The following NRXN3 variants were observed in gnomAD, a reference collection of about 807,000 sequenced individuals.
NRXN3 encodes the protein neurexin 3, also known as neurexin III.
In NRXN3, 32 loss-of-function variants were observed where a neutral mutation model predicts 137.6. The ratio of observed to expected loss-of-function variants is 0.23; its 90% confidence interval spans 0.18 to 0.31. The LOEUF is 0.31. NRXN3 is among the 10% of genes least tolerant of loss of function. The probability of loss-of-function intolerance (pLI) is 1.00; values close to 1 mark genes in which losing one functional copy is unlikely to be tolerated. For synonymous variants in NRXN3, 798 were observed against 784.5 expected, an observed-to-expected ratio of 1.02 and a Z score of -0.29; for missense variants, 1,574 against 2,062.5, an observed-to-expected ratio of 0.76 and a Z score of 4.59.
chr14:78,958,907 A>C (rs2099402575), intron 11 of NRXN3, among the ~76,000 whole-genome samples: 1 of 152,236 alleles, frequency 6.6e-6, no homozygotes, highest in East Asian at 1.9e-4. Flanking sequence ...TAAGACAGTC[A>C]GTAGCCCTGG....
At chr14:78,293,693 T>C (rs529969206) in intron 3 of NRXN3, among the ~76,000 whole-genome samples, 1 of 152,290 alleles carries the variant, frequency 6.6e-6, no homozygotes, top group East Asian at 1.9e-4. Context: ...AATAACATCT[T>C]CCTTGGGTTT....
chr14:78,593,243 T>C (rs1350943115), intron 4 of NRXN3, among the ~76,000 whole-genome samples: 1 of 152,118 alleles, frequency 6.6e-6, no homozygotes, highest in African/African-American at 2.4e-5. Flanking sequence ...CACCCCCTCT[T>C]CTCTATTTAA....
At chr14:78,606,395 TCCC>T (rs2097253299) in intron 4 of NRXN3, among the ~76,000 whole-genome samples, 1 of 152,138 alleles carries the variant, frequency 6.6e-6, no homozygotes, top group Admixed American at 6.6e-5. Context: ...TCTCTGTCTT[TCCC>T]CCTAACCAAC....
Position 79,427,582 on chromosome 14 carries a change from G to A in NRXN3, c.3263-39639G>A, listed in dbSNP as rs538709753. On this transcript the variant is annotated intron_variant, in intron 15 of 20. Coordinates refer to ENST00000335750, the MANE Select transcript of NRXN3 (RefSeq NM_001330195.2). ...AATCCCAGCACTTTGGGAGGCCAAG[G>A]TGGGTGACTCACTTCAGGTCGGGTC... Among the ~76,000 whole-genome samples the A allele has an allele frequency of 2.0e-5, 3 of 152,252 alleles. No individual in the cohort carries two copies. In the East Asian group the frequency reaches 5.8e-4, roughly 30 times the overall value.
chr14:79,774,107 T>G (rs1281240172), intron 19 of NRXN3, among the ~76,000 whole-genome samples: 1 of 152,130 alleles, frequency 6.6e-6, no homozygotes, highest in Non-Finnish European at 1.5e-5. Flanking sequence ...CGAATAACTG[T>G]ACGTGATTTA....
intron 8 of NRXN3, among the ~76,000 whole-genome samples, chr14:78,747,997 A>C (rs1409605361): frequency 6.6e-6 from 1 of 152,222 alleles, no homozygotes. Context: ...ACACTTGGGT[A>C]CTGGTGAAAT....
intron 15 of NRXN3, among the ~76,000 whole-genome samples, chr14:79,323,924 A>G (rs1479464472): frequency 6.6e-6 from 1 of 152,258 alleles, no homozygotes; most frequent in Non-Finnish European, 1.5e-5. Flanking sequence ...AAGTACTTGC[A>G]TATGGAGGTG....
intron 16 of NRXN3, among the ~76,000 whole-genome samples, chr14:79,481,472 C>T (rs1338751531): frequency 2.0e-5 from 3 of 152,198 alleles, no homozygotes. Context: ...ATGGTATAGC[C>T]TATTGCATCC....
intron 10 of NRXN3, among the ~76,000 whole-genome samples, chr14:78,914,054 T>A (rs2099248339): frequency 6.6e-6 from 1 of 152,160 alleles, no homozygotes; most frequent in Non-Finnish European, 1.5e-5. Context: ...AACTTGGACA[T>A]CTTTGGATTT....
In NRXN3 at chr14:78,243,905, A is replaced by G. The variant is rs2067316229; in HGVS notation, c.709+103A>G. The G allele has an allele frequency of 3.6e-6, 3 of 837,250 alleles. No individual in the cohort carries two copies. In the East Asian group the frequency reaches 7.6e-5, roughly 21 times the overall value. 51.9% of individuals were successfully genotyped at this position (837,250 alleles called of 1,614,324 possible). A position where few individuals can be genotyped will look rare whatever the true frequency, so the allele number is the denominator to read the frequency against. On this transcript the variant is annotated intron_variant, in intron 2 of 20. Coordinates refer to ENST00000335750, the MANE Select transcript of NRXN3 (RefSeq NM_001330195.2). The surrounding 1 kb of genome is among the most constrained non-coding windows in gnomAD (Gnocchi z 4.2). ...TATATGGATGCATATCTTTAGCTGCATGTTAGATCACTGGGCCCCTTGCCC... is the reference window on the plus strand; with the variant it reads ...TATATGGATGCATATCTTTAGCTGCGTGTTAGATCACTGGGCCCCTTGCCC...
chr14:78,805,932 A>T (rs927530834), intron 9 of NRXN3, among the ~76,000 whole-genome samples: 1 of 152,134 alleles, frequency 6.6e-6, no homozygotes, highest in Non-Finnish European at 1.5e-5. Context: ...TCTCACACAC[A>T]CACACATACA....
intron 4 of NRXN3, among the ~76,000 whole-genome samples, chr14:78,351,712 C>T (rs975762470): frequency 2.0e-5 from 3 of 149,736 alleles, no homozygotes; most frequent in Non-Finnish European, 3.0e-5. Context: ...ATAACCACTC[C>T]TTTCACTGGA....
At chr14:78,192,174 A>C (rs1201035717) in intron 1 of NRXN3, among the ~76,000 whole-genome samples, 1 of 151,896 alleles carries the variant, frequency 6.6e-6, no homozygotes, top group Admixed American at 6.6e-5. Flanking sequence ...ATATTGTTAC[A>C]CTGCCTAAGG....
intron 14 of NRXN3, among the ~76,000 whole-genome samples, chr14:78,973,140 T>A (rs1332576306): frequency 1.3e-5 from 2 of 152,174 alleles, no homozygotes; most frequent in African/African-American, 4.8e-5. Context: ...TGATTCCATT[T>A]TGGGGGGTAC....
At chr14:79,140,339 A>G (rs2058671965) in intron 15 of NRXN3, among the ~76,000 whole-genome samples, 1 of 152,152 alleles carries the variant, frequency 6.6e-6, no homozygotes, top group Admixed American at 6.5e-5. Flanking sequence ...AGAGACTGTT[A>G]TATGGGATTT....
At position 78,926,846 on chromosome 14, in the gene NRXN3, ATATAT is replaced by A. The variant is rs1424377690; in HGVS notation, c.2276-30390_2276-30386del. On this transcript the variant is annotated intron_variant, in intron 10 of 20. Coordinates refer to ENST00000335750, the MANE Select transcript of NRXN3 (RefSeq NM_001330195.2). ...TATATATAATTTATATAAATATATAATATATTATATATATAATATATATATAATAT... is the reference window on the plus strand; with the variant it reads ...TATATATAATTTATATAAATATATAATATATATATAATATATATATAATAT... 1.8e-4 allele frequency among the ~76,000 whole-genome samples: 4 copies of A among 21,712 alleles called. 1 individual carries two copies. Among genetic ancestry groups the A allele is most frequent in the Non-Finnish European group, 1.3e-4 (2 of 15,306 alleles). 14.2% of individuals were successfully genotyped at this position (21,712 alleles called of 152,430 possible).
At chr14:78,404,559 A>G (rs772143803) in intron 4 of NRXN3, among the ~76,000 whole-genome samples, 6 of 152,126 alleles carry the variant, frequency 3.9e-5, no homozygotes, top group Admixed American at 2.0e-4. Context: ...TGGGAAAAAC[A>G]ACTGTTTTAC....
intron 19 of NRXN3, among the ~76,000 whole-genome samples, chr14:79,769,298 A>G (rs1428882809): frequency 6.7e-6 from 1 of 149,140 alleles, no homozygotes; most frequent in Non-Finnish European, 1.5e-5. Context: ...CCTCGAGAAG[A>G]GCAACTCCAA....
chr14:78,304,380 G>A (rs2077158778), intron 4 of NRXN3, among the ~76,000 whole-genome samples: 1 of 152,200 alleles, frequency 6.6e-6, no homozygotes. Flanking sequence ...AATCCATAAT[G>A]GAAAGAATTG....
Sources: gnomAD v4.1 joint callset for allele counts (sites outside exome capture counted in the v4.1 genomes callset) on GRCh38, gnomAD v4.1.1 for gene constraint, Gnocchi (gnomAD v3.1) non-coding constraint, MANE v1.5 for transcripts, NCBI Gene and HGNC (gene_info 2026-07-23, HGNC 2026-07-21) for gene names.